DLG2: variants seen among roughly 807,000 people sequenced by gnomAD.
DLG2 encodes disks large homolog 2.
In DLG2, 45 loss-of-function variants were observed where a neutral mutation model predicts 132.5. That is an observed-to-expected ratio of 0.34 (90% confidence interval 0.27 to 0.44). The LOEUF (loss-of-function observed/expected upper bound fraction) is 0.44, where lower values mean the gene tolerates loss of function less well. DLG2 is among the 20% of genes least tolerant of loss of function. The probability of loss-of-function intolerance (pLI) is 1.00; values close to 1 mark genes in which losing one functional copy is unlikely to be tolerated. For missense variants in DLG2, 1,045 were observed against 1,196.9 expected (o/e 0.87, Z 1.87); for synonymous variants, 424 against 419.6 (o/e 1.01, Z -0.13).
At chr11:85,317,742 C>T (rs148069889) in intron 3 of DLG2, among the ~76,000 whole-genome samples, 23 of 151,956 alleles carry the variant, frequency 1.5e-4, no homozygotes, top group African/African-American at 4.8e-4. Flanking sequence ...GAGCAAGATA[C>T]ACTGGGGCCT....
rs181614985 is a variant in DLG2, at chr11:84,065,317, T to C, written c.750-5833A>G. On this transcript the variant is annotated intron_variant, in intron 10 of 27. Coordinates refer to ENST00000376104, the MANE Select transcript of DLG2 (RefSeq NM_001142699.3). ...ATGGAAGAAAATATTTGCAAGCTAC[T>C]CATTCAACAAAGGTCTAATATCTAG... Among the ~76,000 whole-genome samples the C allele has an allele frequency of 9.9e-5, 15 of 152,184 alleles. No individual in the cohort carries two copies. The East Asian group carries it at 2.3e-3, about 24-fold the overall frequency.
At chr11:83,486,264 GA>G (rs141813606) in intron 21 of DLG2, 221,102 of 681,156 alleles carry the variant, frequency 0.32, 38,036 homozygotes, top group Non-Finnish European at 0.36. Flanking sequence ...GAAAATAAAA[GA>G]AAAAAAATCA....
chr11:84,496,003 G>C (rs2099182287), intron 7 of DLG2, among the ~76,000 whole-genome samples: 1 of 152,094 alleles, frequency 6.6e-6, no homozygotes, highest in Non-Finnish European at 1.5e-5. Context: ...TAAAAGATGG[G>C]ACCAAGAAGG....
intron 6 of DLG2, among the ~76,000 whole-genome samples, chr11:84,917,187 A>T (rs1312276657): frequency 6.6e-6 from 1 of 152,200 alleles, no homozygotes; most frequent in Non-Finnish European, 1.5e-5. Context: ...CCTGACCCGT[A>T]ATAGGTACTA....
At chr11:85,428,053 G>T (rs2090899735) in intron 3 of DLG2, among the ~76,000 whole-genome samples, 1 of 152,098 alleles carries the variant, frequency 6.6e-6, no homozygotes, top group Non-Finnish European at 1.5e-5. Flanking sequence ...ATGGTAAAGG[G>T]ATCAATTCAA....
At chr11:84,181,507 C>T (rs928107402) in intron 8 of DLG2, among the ~76,000 whole-genome samples, 2 of 151,816 alleles carry the variant, frequency 1.3e-5, no homozygotes, top group African/African-American at 4.8e-5. Flanking sequence ...AGATATTAAT[C>T]CAAGTAGTAA....
At chr11:85,400,941 A>G (rs2088020826) in intron 3 of DLG2, among the ~76,000 whole-genome samples, 2 of 146,904 alleles carry the variant, frequency 1.4e-5, no homozygotes, top group South Asian at 4.3e-4. Flanking sequence ...ATAATAATTA[A>G]AAAAAAAAAA....
chr11:85,125,010 T>G (rs1277270205), intron 5 of DLG2, among the ~76,000 whole-genome samples: 1 of 152,164 alleles, frequency 6.6e-6, no homozygotes, highest in Non-Finnish European at 1.5e-5. Context: ...TTTTGTATTT[T>G]TAGTAGATAC....
chr11:83,633,536 T>C (rs1378052785), intron 18 of DLG2, among the ~76,000 whole-genome samples: 1 of 152,004 alleles, frequency 6.6e-6, no homozygotes, highest in Non-Finnish European at 1.5e-5. Flanking sequence ...AAAACGTACC[T>C]GGAAAACACA....
intron 12 of DLG2, among the ~76,000 whole-genome samples, chr11:83,973,485 CAG>C (rs1197357987): frequency 1.3e-5 from 2 of 151,988 alleles, no homozygotes; most frequent in Non-Finnish European, 2.9e-5. Context: ...ACTTTAAACT[CAG>C]GGGACAGAAT....
chr11:83,541,569 T>A, intron 20 of DLG2, 113 bp downstream of exon 20: 3 of 969,040 alleles, frequency 3.1e-6, no homozygotes, highest in Non-Finnish European at 4.4e-6. Context: ...AGATTGACTA[T>A]CCCATTTAAA....
chr11:84,313,641 AAAAGAAAGAAAGAAAGAAAGAAAG>A (rs201928030), intron 7 of DLG2, among the ~76,000 whole-genome samples: 4 of 129,180 alleles, frequency 3.1e-5, no homozygotes, highest in South Asian at 2.6e-4. Context: ...GAAAGAGAGA[AAAAGAAAGAAAGAAAGAAAGAAAG>A]AAAGAAAGAA....
At chr11:83,860,993 C>A (rs1388931001) in intron 16 of DLG2, among the ~76,000 whole-genome samples, 1 of 152,188 alleles carries the variant, frequency 6.6e-6, no homozygotes, top group South Asian at 2.1e-4. Flanking sequence ...GATTGTGAGG[C>A]CTTCCCACCC....
chr11:84,292,068 T>C (rs1284234128), intron 7 of DLG2, among the ~76,000 whole-genome samples: 1 of 151,744 alleles, frequency 6.6e-6, no homozygotes, highest in Non-Finnish European at 1.5e-5. Context: ...GACTATAGAG[T>C]GTGATGAAAA....
chr11:84,436,234 A>C (rs1368833488), intron 7 of DLG2, among the ~76,000 whole-genome samples: 1 of 152,114 alleles, frequency 6.6e-6, no homozygotes, highest in East Asian at 1.9e-4. Flanking sequence ...ACGTTCTAAA[A>C]TTGTCAGATC....
intron 3 of DLG2, among the ~76,000 whole-genome samples, chr11:85,420,736 G>GA (rs1239054672): frequency 6.6e-6 from 1 of 152,166 alleles, no homozygotes; most frequent in Admixed American, 6.5e-5. Context: ...CACTGTGAGG[G>GA]AAAAACCAAC....
At chr11:85,172,199 G>A (rs996586035) in intron 4 of DLG2, among the ~76,000 whole-genome samples, 1 of 152,228 alleles carries the variant, frequency 6.6e-6, no homozygotes, top group Admixed American at 6.5e-5. Context: ...CTACAGGAGC[G>A]TTCTGGCCAG....
At chr11:85,537,334 A>C (rs979721026) in intron 3 of DLG2, among the ~76,000 whole-genome samples, 3 of 152,200 alleles carry the variant, frequency 2.0e-5, no homozygotes, top group African/African-American at 7.2e-5. Flanking sequence ...GTCACTTTCC[A>C]GGCTGTGGAA....
chr11:84,691,383 G>A (rs940996528), intron 6 of DLG2, among the ~76,000 whole-genome samples: 1 of 151,462 alleles, frequency 6.6e-6, no homozygotes, highest in East Asian at 1.9e-4. Context: ...TTATTTTACT[G>A]GCTAAAATTC....
Sources: allele counts gnomAD v4.1 joint callset (sites outside exome capture counted in the v4.1 genomes callset), GRCh38; gene constraint gnomAD v4.1.1; transcripts MANE v1.5; gene names NCBI Gene and HGNC (gene_info 2026-07-23, HGNC 2026-07-21).